The following DOCK1 variants were observed in gnomAD, a reference collection of about 807,000 sequenced individuals.
DOCK1 encodes dedicator of cytokinesis protein 1.
In DOCK1, 138 loss-of-function variants were observed where a neutral mutation model predicts 262.7. That is an observed-to-expected ratio of 0.53 (90% CI 0.46 to 0.61). DOCK1 has a LOEUF of 0.61. DOCK1 is among the 20% of genes least tolerant of loss of function. The pLI, the probability that DOCK1 is intolerant of heterozygous loss-of-function variation, is 0.00. For missense variants in DOCK1, 1,908 were observed against 2,370.7 expected (o/e 0.80, Z 4.05); for synonymous variants, 866 against 867.4 (o/e 1.00, Z 0.03).
chr10:127,141,738 T>C (rs2051278323), intron 27 of DOCK1, among the ~76,000 whole-genome samples: 1 of 151,988 alleles, frequency 6.6e-6, no homozygotes, highest in Admixed American at 6.6e-5. Context: ...GACTGCTTTG[T>C]TTTGGCCAAA....
At chr10:126,932,557 G>T (rs972768020) in intron 1 of DOCK1, among the ~76,000 whole-genome samples, 2 of 152,156 alleles carry the variant, frequency 1.3e-5, no homozygotes, top group East Asian at 1.9e-4. Flanking sequence ...ATATGTGGCC[G>T]TGTGGGACTC....
rs1287120128 is a variant in DOCK1, at chr10:127,425,906, T to C, written c.4809T>C (p.His1603=). The change falls in exon 47 of 52, where the codon CAT becomes CAC. Residue 1603 remains histidine, a synonymous_variant. Transcript: ENST00000623213. ...IPFLAEGIRI[H]GDKVTEALRP... is the part of the protein sequence containing the mutation. Reference sequence around the variant, plus strand: ...TTCTGGCCGAAGGGATCAGAATCCATGGAGACAAAGTCACGGAGGCACTGA... The same window carrying C: ...TTCTGGCCGAAGGGATCAGAATCCACGGAGACAAAGTCACGGAGGCACTGA... The C allele has an allele frequency of 2.5e-6, 4 of 1,614,018 alleles. No individual in the cohort carries two copies. The highest frequency in any genetic ancestry group is 3.4e-6 in the Non-Finnish European group (4 of 1,179,902).
At chr10:127,191,928 T>G (rs1370166368) in intron 27 of DOCK1, among the ~76,000 whole-genome samples, 1 of 152,240 alleles carries the variant, frequency 6.6e-6, no homozygotes, top group East Asian at 1.9e-4. Flanking sequence ...TTCCGTAGCC[T>G]CCTTCCCATG....
chr10:126,953,739 G>A (rs1012376078), intron 1 of DOCK1, among the ~76,000 whole-genome samples: 7 of 152,030 alleles, frequency 4.6e-5, no homozygotes, highest in East Asian at 1.9e-4. Context: ...CTTGTTCCAC[G>A]TGTGTTGGGG....
chr10:127,379,622 T>C (rs2065717661), intron 35 of DOCK1, among the ~76,000 whole-genome samples: 2 of 152,224 alleles, frequency 1.3e-5, no homozygotes, highest in African/African-American at 4.8e-5. Flanking sequence ...ATAACTCAGG[T>C]CTGTATTATC....
intron 1 of DOCK1, 88 bp downstream of exon 1, chr10:126,905,651 G>C (rs1311911350): frequency 5.0e-6 from 1 of 200,904 alleles, no homozygotes; most frequent in Non-Finnish European, 9.8e-6. Context: ...CCGCCGCCCC[G>C]AGCGGCCGCC....
chr10:127,228,117 G>C (rs1187548489), intron 27 of DOCK1, among the ~76,000 whole-genome samples: 1 of 152,058 alleles, frequency 6.6e-6, no homozygotes, highest in Non-Finnish European at 1.5e-5. Flanking sequence ...CTGGTAAAAT[G>C]GTAAAAATAT....
At chr10:126,949,665 G>A (rs1027700737) in intron 1 of DOCK1, among the ~76,000 whole-genome samples, 7,813 of 152,214 alleles carry the variant, frequency 0.051, 284 homozygotes, top group Middle Eastern at 0.15. Context: ...AAATGTAGGC[G>A]TTTGACTGAT....
At chr10:127,451,299 A>T in intron 51 of DOCK1, 33 bp from the exon 52 acceptor site, 1 of 1,564,366 alleles carries the variant, frequency 6.4e-7, no homozygotes, top group Non-Finnish European at 8.7e-7. Flanking sequence ...GACATCAGTT[A>T]TGTGACATCT....
At chr10:127,186,017 T>A (rs71474209) in intron 27 of DOCK1, among the ~76,000 whole-genome samples, 7,128 of 152,280 alleles carry the variant, frequency 0.047, 256 homozygotes, top group Admixed American at 0.1. Context: ...TGAGTTTAAT[T>A]AAAAAATCTC....
intron 23 of DOCK1, among the ~76,000 whole-genome samples, chr10:127,072,812 A>G (rs2046308694): frequency 6.6e-6 from 1 of 152,192 alleles, no homozygotes. Flanking sequence ...AAGCTTTCTA[A>G]AGGGACGGGC....
intron 27 of DOCK1, among the ~76,000 whole-genome samples, chr10:127,190,746 G>GTAGCATC (rs1011428393): frequency 1.5e-5 from 2 of 134,468 alleles, no homozygotes; most frequent in Non-Finnish European, 3.0e-5. Flanking sequence ...CTGGCCTTGG[G>GTAGCATC]TAGCATCTTT....
At chr10:127,208,386 A>G (rs1365138977) in intron 27 of DOCK1, among the ~76,000 whole-genome samples, 1 of 152,158 alleles carries the variant, frequency 6.6e-6, no homozygotes. Flanking sequence ...ATTTCATGCA[A>G]CCCAATGGAG....
intron 28 of DOCK1, among the ~76,000 whole-genome samples, chr10:127,249,872 A>G (rs540489151): frequency 1.3e-5 from 2 of 152,328 alleles, no homozygotes; most frequent in South Asian, 2.1e-4. Context: ...AAGAATATGT[A>G]TATGTTTGTA....
At chr10:127,132,540 C>G (rs2050386947) in intron 27 of DOCK1, among the ~76,000 whole-genome samples, 1 of 152,136 alleles carries the variant, frequency 6.6e-6, no homozygotes, top group African/African-American at 2.4e-5. Context: ...TTTTGAGAAG[C>G]TTTCTAAGCC....
intron 27 of DOCK1, among the ~76,000 whole-genome samples, chr10:127,204,055 G>A (rs2057600131): frequency 6.6e-6 from 1 of 152,030 alleles, no homozygotes; most frequent in Admixed American, 6.6e-5. Flanking sequence ...CCACATCCCT[G>A]TATCTCGGCA....
chr10:126,961,481 A>ACTC (rs1376049878), intron 1 of DOCK1, among the ~76,000 whole-genome samples: 78,996 of 150,894 alleles, frequency 0.52, 21,211 homozygotes, highest in East Asian at 0.64. Context: ...ACACTAACTC[A>ACTC]CTCCTTCGTC....
At chr10:127,347,881 TCC>T (rs1565012420) in intron 31 of DOCK1, among the ~76,000 whole-genome samples, 4 of 33,468 alleles carry the variant, frequency 1.2e-4, no homozygotes, top group African/African-American at 3.7e-4. Context: ...TCCCTTCCCT[TCC>T]CATCCCTTCC....
At chr10:126,996,662 G>C (rs2040218991) in intron 6 of DOCK1, 86 bp from the exon 7 acceptor site, 2 of 1,359,698 alleles carry the variant, frequency 1.5e-6, no homozygotes, top group Non-Finnish European at 1.9e-6. Context: ...GTTTTTACCT[G>C]CCCAGTTGCT....
Sources: allele counts gnomAD v4.1 joint callset (sites outside exome capture counted in the v4.1 genomes callset), GRCh38; gene constraint gnomAD v4.1.1; transcripts MANE v1.5; gene names NCBI Gene and HGNC (gene_info 2026-07-23, HGNC 2026-07-21).